Variants in MMS22L observed in about 807,000 individuals in gnomAD.
MMS22L encodes MMS22 like, DNA repair protein.
MMS22L carries 74 observed loss-of-function variants against 159.1 expected under a neutral mutation model. The observed-to-expected ratio is 0.47, with a 90% CI of 0.39 to 0.56. The LOEUF is 0.56. MMS22L is among the 20% of genes least tolerant of loss of function. The pLI is 0.00. For missense variants in MMS22L, 1,351 were observed against 1,422.1 expected (o/e 0.95, Z 0.80); for synonymous variants, 517 against 506.9 (o/e 1.02, Z -0.27).
chr6:97,156,255 TTC>T (rs1241346330), intron 22 of MMS22L, among the ~76,000 whole-genome samples: 1 of 152,330 alleles, frequency 6.6e-6, no homozygotes, highest in African/African-American at 2.4e-5. Flanking sequence ...TGCAAAAATT[TTC>T]TCTCATTCTG....
chr6:97,150,240 G>C (rs957369842), intron 23 of MMS22L, among the ~76,000 whole-genome samples: 1 of 152,100 alleles, frequency 6.6e-6, no homozygotes, highest in African/African-American at 2.4e-5. Context: ...AGCACTGTGG[G>C]GAGGAGCAGG....
rs1417754534 is a variant in MMS22L, at chr6:97,216,297, G to A, written c.2039+12597C>T. On this transcript the variant is annotated intron_variant, in intron 14 of 24. Transcript: ENST00000683635. ...TCCACAATTTATAGTGCCTTCTGAGGTTTTATTAATCCAAAAGTAATTAAT... is the reference window on the plus strand; with the variant it reads ...TCCACAATTTATAGTGCCTTCTGAGATTTTATTAATCCAAAAGTAATTAAT... Among the ~76,000 whole-genome samples, 3 of 151,858 alleles carry A rather than the reference G, an allele frequency of 2.0e-5. No individual in the cohort carries two copies. The East Asian group carries it at 5.8e-4, about 29-fold the overall frequency.
chr6:97,263,688 C>G, intron 8 of MMS22L: 1 of 298,756 alleles, frequency 3.3e-6, no homozygotes, highest in Admixed American at 5.3e-5. Context: ...TCATCTAGTG[C>G]CGTGGTCAGC....
At chr6:97,175,399 A>C (rs1351739300) in intron 18 of MMS22L, among the ~76,000 whole-genome samples, 1 of 152,216 alleles carries the variant, frequency 6.6e-6, no homozygotes. Flanking sequence ...TTTTCACATA[A>C]CCATGAGAAT....
At chr6:97,274,818 G>A (rs904108782) in intron 4 of MMS22L, among the ~76,000 whole-genome samples, 1 of 151,974 alleles carries the variant, frequency 6.6e-6, no homozygotes, top group Non-Finnish European at 1.5e-5. Flanking sequence ...CCAACGCCAG[G>A]GAAAAACACC....
chr6:97,232,780 T>C (rs1582721293), intron 12 of MMS22L, among the ~76,000 whole-genome samples: 1 of 152,146 alleles, frequency 6.6e-6, no homozygotes, highest in African/African-American at 2.4e-5. Context: ...AGCTCCATTA[T>C]CCACAAATCC....
chr6:97,192,150 G>T (rs1259002633), intron 14 of MMS22L, among the ~76,000 whole-genome samples: 4 of 150,236 alleles, frequency 2.7e-5, no homozygotes, highest in East Asian at 4.0e-4. Context: ...TGGAGGAGGG[G>T]GTAAGTAGGT....
At chr6:97,214,384 T>C (rs1315230717) in intron 14 of MMS22L, among the ~76,000 whole-genome samples, 1 of 152,218 alleles carries the variant, frequency 6.6e-6, no homozygotes, top group Non-Finnish European at 1.5e-5. Context: ...GTCATCAATA[T>C]GGAAAGTTGT....
chr6:97,210,943 T>G (rs1677545238), intron 14 of MMS22L, among the ~76,000 whole-genome samples: 1 of 151,936 alleles, frequency 6.6e-6, no homozygotes, highest in African/African-American at 2.4e-5. Flanking sequence ...GTCCAACCAT[T>G]TCAGAATTTA....
chr6:97,210,477 C>G (rs1808254360), intron 14 of MMS22L, among the ~76,000 whole-genome samples: 1 of 151,896 alleles, frequency 6.6e-6, no homozygotes, highest in African/African-American at 2.4e-5. Context: ...TTTAATCTGA[C>G]TCATTCTCCC....
Position 97,143,915 on chromosome 6 carries a change from A to G in MMS22L, c.*2891T>C, listed in dbSNP as rs943902385. On this transcript the variant is annotated 3_prime_UTR_variant, in exon 25 of 25. Transcript: ENST00000683635. ...CCCAACATGGTGAAACCCCGTCTCTACTAAAAATACAAAAAAAATTAGCCG... is the reference window on the plus strand; with the variant it reads ...CCCAACATGGTGAAACCCCGTCTCTGCTAAAAATACAAAAAAAATTAGCCG... The G allele has an allele frequency of 2.0e-5, 3 of 151,988 alleles. No homozygotes were observed. The highest frequency in any genetic ancestry group is 7.3e-5 in the African/African-American group (3 of 41,316). 9.4% of individuals were successfully genotyped at this position (151,988 alleles called of 1,614,324 possible).
chr6:97,189,848 A>AC (rs1335036810), intron 14 of MMS22L, among the ~76,000 whole-genome samples: 3 of 152,168 alleles, frequency 2.0e-5, no homozygotes, highest in Non-Finnish European at 4.4e-5. Context: ...AGAAATGATT[A>AC]CCTGCTATTT....
chr6:97,226,555 C>T (rs1039132542), intron 14 of MMS22L, among the ~76,000 whole-genome samples: 3 of 152,118 alleles, frequency 2.0e-5, no homozygotes, highest in African/African-American at 4.8e-5. Context: ...GATGGCGCCA[C>T]TGCACTCCAG....
At chr6:97,222,094 C>T (rs912440582) in intron 14 of MMS22L, among the ~76,000 whole-genome samples, 1 of 151,810 alleles carries the variant, frequency 6.6e-6, no homozygotes, top group Non-Finnish European at 1.5e-5. Flanking sequence ...TCCTTTTTTG[C>T]CTAGGCAATC....
intron 3 of MMS22L, among the ~76,000 whole-genome samples, chr6:97,279,902 T>C (rs992985621): frequency 6.6e-6 from 1 of 152,184 alleles, no homozygotes. Context: ...AGGAATAATG[T>C]AGACTAAAGT....
intron 13 of MMS22L, chr6:97,230,772 CAAA>C (rs1031544623): frequency 6.6e-6 from 1 of 152,044 alleles, no homozygotes; most frequent in African/African-American, 2.4e-5. Flanking sequence ...CAGTATATGA[CAAA>C]TGAAATATCC....
chr6:97,154,301 A>C (rs555034196), intron 22 of MMS22L, among the ~76,000 whole-genome samples: 2 of 152,084 alleles, frequency 1.3e-5, no homozygotes, highest in Non-Finnish European at 2.9e-5. Context: ...CCAATTTTTA[A>C]ATTCAGTTAT....
At chr6:97,201,673 T>G (rs1052529873) in intron 14 of MMS22L, among the ~76,000 whole-genome samples, 1 of 152,208 alleles carries the variant, frequency 6.6e-6, no homozygotes, top group Admixed American at 6.5e-5. Context: ...AAGCAATATC[T>G]AGGTGAAACT....
chr6:97,256,674 G>A (rs577322924), intron 9 of MMS22L, among the ~76,000 whole-genome samples: 1 of 152,356 alleles, frequency 6.6e-6, no homozygotes, highest in East Asian at 1.9e-4. Flanking sequence ...ATATTGGCCA[G>A]CTGTGGCAGC....
Sources: allele counts gnomAD v4.1 joint callset (sites outside exome capture counted in the v4.1 genomes callset), GRCh38; gene constraint gnomAD v4.1.1; transcripts MANE v1.5; gene names NCBI Gene and HGNC (gene_info 2026-07-23, HGNC 2026-07-21).